DNER: variants seen among roughly 807,000 people sequenced by gnomAD.
The protein encoded by DNER is delta/notch like EGF repeat containing.
A neutral mutation model predicts 78.2 loss-of-function variants in DNER; 33 were observed. The observed-to-expected ratio is 0.42, with a 90% CI of 0.32 to 0.56. The LOEUF is 0.56. Ranked by LOEUF, DNER falls within the 20% of genes least tolerant of loss-of-function variation. The probability of loss-of-function intolerance (pLI) is 0.11; values close to 1 mark genes in which losing one functional copy is unlikely to be tolerated. For synonymous variants in DNER, 417 were observed against 384.8 expected (o/e 1.08, Z -0.98); for missense variants, 918 against 975.3 (o/e 0.94, Z 0.78).
intron 9 of DNER, among the ~76,000 whole-genome samples, chr2:229,417,258 G>T (rs1693672887): frequency 6.6e-6 from 1 of 152,176 alleles, no homozygotes; most frequent in Non-Finnish European, 1.5e-5. Flanking sequence ...AACGGTGAGG[G>T]CAATGCAAGG....
At chr2:229,544,492 T>C (rs1276832053) in intron 5 of DNER, among the ~76,000 whole-genome samples, 2 of 151,742 alleles carry the variant, frequency 1.3e-5, no homozygotes, top group Non-Finnish European at 2.9e-5. Context: ...AAAAATGTTA[T>C]ATATCTATTT....
At chr2:229,713,242 G>A (rs1203094519) in intron 1 of DNER, among the ~76,000 whole-genome samples, 1 of 152,196 alleles carries the variant, frequency 6.6e-6, no homozygotes, top group Non-Finnish European at 1.5e-5. Context: ...CTACCAAATT[G>A]CCTACTGGAA....
intron 1 of DNER, among the ~76,000 whole-genome samples, chr2:229,693,789 A>C (rs953748607): frequency 2.0e-5 from 3 of 152,238 alleles, no homozygotes; most frequent in African/African-American, 7.2e-5. Context: ...AGAGTTTACA[A>C]AATTTGCAGC....
intron 1 of DNER, among the ~76,000 whole-genome samples, chr2:229,643,685 C>T (rs7557015): frequency 0.056 from 8,579 of 152,182 alleles, 302 homozygotes; most frequent in Middle Eastern, 0.079. Flanking sequence ...AGTTTAAATC[C>T]GTGGAAAGTG....
intron 4 of DNER, among the ~76,000 whole-genome samples, chr2:229,585,293 A>T (rs922443527): frequency 2.0e-5 from 3 of 152,372 alleles, no homozygotes; most frequent in Non-Finnish European, 4.4e-5. Flanking sequence ...CACACCTGTG[A>T]TGCCTTCGCC....
intron 6 of DNER, among the ~76,000 whole-genome samples, chr2:229,499,931 C>CTTTATTTT: frequency 7.4e-6 from 1 of 134,838 alleles, no homozygotes; most frequent in Non-Finnish European, 1.6e-5. Flanking sequence ...GACTTTCTTT[C>CTTTATTTT]TTTTTTTTTT....
chr2:229,708,164 G>C (rs1699857585), intron 1 of DNER, among the ~76,000 whole-genome samples: 1 of 152,228 alleles, frequency 6.6e-6, no homozygotes, highest in Non-Finnish European at 1.5e-5. Flanking sequence ...CTTCAGGCAG[G>C]AGTGACCAAA....
intron 1 of DNER, among the ~76,000 whole-genome samples, chr2:229,668,416 TTTTATA>T (rs1377219648): frequency 7.0e-5 from 1 of 14,266 alleles, no homozygotes; most frequent in Non-Finnish European, 2.6e-4. Context: ...TAAAATATTC[TTTTATA>T]TATATATATA....
Position 229,529,125 on chromosome 2 carries a change from C to T in DNER, c.994-16189G>A, listed in dbSNP as rs116291060. 1.3e-3 allele frequency among the ~76,000 whole-genome samples: 202 copies of T among 152,154 alleles called. 1 individual carries two copies. Among genetic ancestry groups the T allele is most frequent in the African/African-American group, 4.7e-3 (194 of 41,502 alleles). On this transcript the variant is annotated intron_variant, in intron 5 of 12. Transcript: ENST00000341772. ...CTCACAGTTTCATTTATTTTAGCAACGTGAGAAAGCCCTTCAGGCAAAAGG... is the reference window on the plus strand; with the variant it reads ...CTCACAGTTTCATTTATTTTAGCAATGTGAGAAAGCCCTTCAGGCAAAAGG...
Position 229,495,966 on chromosome 2 carries a change from A to C in DNER, c.1147+16817T>G, listed in dbSNP as rs553962395. 2.0e-5 allele frequency among the ~76,000 whole-genome samples: 3 copies of C among 152,314 alleles called. No homozygotes were observed. The South Asian group carries it at 6.2e-4, about 32-fold the overall frequency. The stretch of plus-strand genomic sequence containing the variant: ...GTCTAATAACTTATTGGCCACATGT[A>C]AACCATGAGGGTATGACAGCTCTAG... On this transcript the variant is annotated intron_variant, in intron 6 of 12. Transcript: ENST00000341772.
At chr2:229,372,589 G>C (rs139534688) in intron 11 of DNER, among the ~76,000 whole-genome samples, 1 of 152,196 alleles carries the variant, frequency 6.6e-6, no homozygotes, top group African/African-American at 2.4e-5. Flanking sequence ...TGGGTCTTTA[G>C]TAACTTATTT....
intron 6 of DNER, among the ~76,000 whole-genome samples, chr2:229,483,154 A>C (rs765433089): frequency 6.6e-6 from 1 of 152,140 alleles, no homozygotes; most frequent in Non-Finnish European, 1.5e-5. Context: ...TATGAGAAGA[A>C]TCACCCTGGA....
chr2:229,594,598 A>C (rs890427001), intron 1 of DNER, among the ~76,000 whole-genome samples: 7 of 36,666 alleles, frequency 1.9e-4, no homozygotes, highest in African/African-American at 3.5e-4. Context: ...AAAAAAAAAA[A>C]CAAAACAAAC....
chr2:229,631,957 T>A (rs1401351125), intron 1 of DNER, among the ~76,000 whole-genome samples: 4 of 152,242 alleles, frequency 2.6e-5, no homozygotes, highest in Admixed American at 6.5e-5. Flanking sequence ...TGGTCACTCT[T>A]ATTACTAATT....
intron 6 of DNER, among the ~76,000 whole-genome samples, chr2:229,479,505 G>A (rs1190682438): frequency 6.6e-6 from 1 of 152,068 alleles, no homozygotes; most frequent in Admixed American, 6.5e-5. Flanking sequence ...TTGAGGCCAG[G>A]AGTTCAAGAC....
At chr2:229,475,550 G>A (rs1249564566) in intron 7 of DNER, among the ~76,000 whole-genome samples, 1 of 152,160 alleles carries the variant, frequency 6.6e-6, no homozygotes, top group Non-Finnish European at 1.5e-5. Flanking sequence ...ACTACTGGAG[G>A]GGCCATCTCA....
At chr2:229,713,597 G>T (rs575659569) in intron 1 of DNER, among the ~76,000 whole-genome samples, 1 of 152,344 alleles carries the variant, frequency 6.6e-6, no homozygotes, top group East Asian at 1.9e-4. Flanking sequence ...TGCCCTCCTC[G>T]TCCTCTGGCT....
intron 7 of DNER, among the ~76,000 whole-genome samples, chr2:229,459,504 T>A (rs1392211768): frequency 6.6e-6 from 1 of 152,096 alleles, no homozygotes; most frequent in Non-Finnish European, 1.5e-5. Flanking sequence ...TATTCTTTCT[T>A]ACTTATCACA....
At chr2:229,567,390 AG>A (rs1697130519) in intron 4 of DNER, among the ~76,000 whole-genome samples, 1 of 152,208 alleles carries the variant, frequency 6.6e-6, no homozygotes, top group South Asian at 2.1e-4. Flanking sequence ...ACATTTTGAA[AG>A]GGAAGGAGGA....
Sources: gnomAD v4.1 joint callset for allele counts (sites outside exome capture counted in the v4.1 genomes callset) on GRCh38, gnomAD v4.1.1 for gene constraint, MANE v1.5 for transcripts, NCBI Gene and HGNC (gene_info 2026-07-23, HGNC 2026-07-21) for gene names.